TECTA: variants seen among roughly 807,000 people sequenced by gnomAD.
TECTA encodes the protein tectorin alpha.
Under a neutral mutation model 216.8 loss-of-function variants are expected in TECTA, and 128 were observed. The ratio of observed to expected loss-of-function variants is 0.59; its 90% CI spans 0.51 to 0.68. The LOEUF (loss-of-function observed/expected upper bound fraction) is 0.68. Among genes scored for constraint, TECTA ranks in the 30% least tolerant of loss-of-function variants. The pLI, the probability that TECTA is intolerant of heterozygous loss-of-function variation, is 0.00. For synonymous variants in TECTA, 1,089 were observed against 1,117.1 expected (o/e 0.97, Z 0.50); for missense variants, 2,551 against 2,786.2 (o/e 0.92, Z 1.90).
chr11:121,167,017 G>A (rs571789659), intron 18 of TECTA, among the ~76,000 whole-genome samples: 5 of 152,204 alleles, frequency 3.3e-5, no homozygotes, highest in Non-Finnish European at 7.3e-5. Flanking sequence ...TGCCTACTGT[G>A]GTTCTTTCTC....
intron 13 of TECTA, among the ~76,000 whole-genome samples, chr11:121,155,536 C>G (rs1160129538): frequency 6.6e-6 from 1 of 152,170 alleles, no homozygotes; most frequent in Non-Finnish European, 1.5e-5. Context: ...AAGTGCACTG[C>G]AATCAGGAAA....
intron 20 of TECTA, among the ~76,000 whole-genome samples, chr11:121,178,645 A>C (rs1947195196): frequency 6.6e-6 from 1 of 150,976 alleles, no homozygotes; most frequent in African/African-American, 2.4e-5. Flanking sequence ...CTTCATCTTC[A>C]GTTTTTTTTG....
rs1946687080 is a variant in TECTA at position 121,132,695 on chromosome 11, C to T, written c.2941+2484C>T. Among the ~76,000 whole-genome samples the T allele has an allele frequency of 2.6e-5, 4 of 152,210 alleles. No individual in the cohort carries two copies. The South Asian group carries it at 8.3e-4, about 32-fold the overall frequency. On this transcript the variant is annotated intron_variant, in intron 10 of 23. Coordinates refer to ENST00000392793, the MANE Select transcript of TECTA (RefSeq NM_005422.4). The stretch of plus-strand genomic sequence containing the variant: ...TCATACTGAACCTACAGTTTCAGTC[C>T]AATACCGCAGAGTTTTCTAGTTTTC...
intron 20 of TECTA, among the ~76,000 whole-genome samples, chr11:121,170,920 G>A (rs2134199802): frequency 6.6e-6 from 1 of 152,076 alleles, no homozygotes; most frequent in East Asian, 1.9e-4. Flanking sequence ...GCTGTGTAGA[G>A]ACTTTTTAGT....
chr11:121,123,801 T>G (rs372985365), intron 7 of TECTA, among the ~76,000 whole-genome samples: 1 of 152,232 alleles, frequency 6.6e-6, no homozygotes, highest in African/African-American at 2.4e-5. Flanking sequence ...GTCTTTACAA[T>G]GGCTGACGGG....
intron 10 of TECTA, among the ~76,000 whole-genome samples, chr11:121,136,399 GTGATGACCTCCTTTGCAGAGAA>G (rs968771565): frequency 6.6e-6 from 1 of 152,250 alleles, no homozygotes; most frequent in African/African-American, 2.4e-5. Context: ...GGGCTGCGGG[GTGATGACCTCCTTTGCAGAGAA>G]TGATGAGGAG....
rs759055951 is a variant in TECTA at position 121,188,011 on chromosome 11, A to G, written c.6162+17A>G. 4 of 1,613,956 alleles carry G rather than the reference A, an allele frequency of 2.5e-6. No individual in the cohort carries two copies. The Admixed American group carries it at 6.7e-5, about 27-fold the overall frequency. On this transcript the variant is annotated intron_variant, in intron 21 of 23. Transcript: ENST00000392793. ...TGTAAAATCGTAAGTGAGAGTGTGA[A>G]AACAAAGTGCTTAGCCTTATTTCTC... is the stretch of plus-strand genomic sequence containing the variant.
At chr11:121,120,737 T>A (rs1946549554) in intron 7 of TECTA, among the ~76,000 whole-genome samples, 1 of 152,158 alleles carries the variant, frequency 6.6e-6, no homozygotes, top group South Asian at 2.1e-4. Context: ...TAAGTAAAAA[T>A]CCATCTAGAA....
chr11:121,130,331 G>T (rs1946661744), intron 10 of TECTA, 120 bp downstream of exon 10: 1 of 1,107,330 alleles, frequency 9.0e-7, no homozygotes, highest in South Asian at 1.5e-5. Context: ...TAATTACTGT[G>T]TATACCTACC....
rs975464095 is a variant in TECTA at position 121,127,164 on chromosome 11, G to T, written c.1775-588G>T. 6.6e-6 allele frequency among the ~76,000 whole-genome samples: 1 copy of T among 152,200 alleles called. No homozygotes were observed. The highest frequency in any genetic ancestry group is 1.5e-5 in the Non-Finnish European group (1 of 68,030). ...TCTTACCTTGTCTCCTGGAGAAACA[G>T]CCACACAAATTCTTTGAATTCTTTG... On this transcript the variant is annotated intron_variant, in intron 8 of 23. Transcript: ENST00000392793. The surrounding 1 kb of genome is among the most constrained non-coding windows in gnomAD (Gnocchi z 5.0).
intron 20 of TECTA, among the ~76,000 whole-genome samples, chr11:121,181,617 G>A (rs994739907): frequency 6.6e-6 from 1 of 152,038 alleles, no homozygotes; most frequent in African/African-American, 2.4e-5. Context: ...TTATAGGAAT[G>A]TGCCACCATG....
intron 11 of TECTA, among the ~76,000 whole-genome samples, chr11:121,143,104 T>C (rs893962884): frequency 6.6e-6 from 1 of 152,224 alleles, no homozygotes; most frequent in Admixed American, 6.5e-5. Flanking sequence ...TCTTCCTACT[T>C]AAATTCTCTT....
intron 13 of TECTA, among the ~76,000 whole-genome samples, chr11:121,156,479 G>A (rs1946942152): frequency 6.6e-6 from 1 of 152,038 alleles, no homozygotes; most frequent in Non-Finnish European, 1.5e-5. Flanking sequence ...GAGTGGCTGG[G>A]ACTATAGACA....
intron 20 of TECTA, among the ~76,000 whole-genome samples, chr11:121,176,728 C>G (rs1197051999): frequency 4.0e-5 from 6 of 151,092 alleles, no homozygotes; most frequent in African/African-American, 1.5e-4. Context: ...GCCTGCCTTG[C>G]TAGATTGGGG....
chr11:121,142,533 A>G (rs1464060352), intron 11 of TECTA, among the ~76,000 whole-genome samples: 1 of 152,136 alleles, frequency 6.6e-6, no homozygotes, highest in Non-Finnish European at 1.5e-5. Context: ...GCTTCATCCA[A>G]TTATATTGCC....
In TECTA at chr11:121,118,711, G is replaced by A. The variant is rs2135067823; in HGVS notation, c.1196G>A (p.Arg399Lys). The change falls in exon 7 of 24, where the codon AGA becomes AAA. Residue 399 changes from arginine (R) to lysine (K), a missense_variant. Around this residue, in one of 3 missense-constraint regions of TECTA, gnomAD observed 2,375 missense variants for 2,563.9 expected, o/e 0.93. Transcript: ENST00000392793. ...CTCATCCCCAAAGGAAGCTATGGAA[G>A]AGTCAAGGTGAGCCCCTTTCTATCC... The part of the protein sequence containing the change: ...KILIPKGSYG[R>K]VKVNDLVTSL... 4 of 1,613,614 alleles carry A rather than the reference G, an allele frequency of 2.5e-6. No homozygotes were observed. Among genetic ancestry groups the A allele is most frequent in the Non-Finnish European group, 3.4e-6 (4 of 1,180,040 alleles).
At position 121,129,892 on chromosome 11, in the gene TECTA, C is replaced by A. The variant is rs148784853; in HGVS notation, c.2622C>A (p.Phe874Leu). The change falls in exon 10 of 24, where the codon TTC (phenylalanine) becomes TTA (leucine). Residue 874 changes from phenylalanine to leucine, a missense_variant. Physicochemically the swap from Phe to Leu is conservative, Grantham distance 22 (BLOSUM62 0). Coordinates refer to ENST00000392793, the MANE Select transcript of TECTA (RefSeq NM_005422.4). The stretch of plus-strand genomic sequence containing the variant: ...AGTGCACGGACAACCTGGCAGTGTT[C>A]CTGGAAAGCTGGACAACTTTCGAGG... ...NGKCTDNLAV[F>L]LESWTTFEEI... is the part of the protein sequence containing the mutation. The A allele has an allele frequency of 2.5e-6, 4 of 1,614,126 alleles. No homozygotes were observed. The East Asian group carries it at 8.9e-5, about 36-fold the overall frequency.
At chr11:121,177,583 C>G (rs889459310) in intron 20 of TECTA, among the ~76,000 whole-genome samples, 2 of 152,214 alleles carry the variant, frequency 1.3e-5, no homozygotes, top group Non-Finnish European at 1.5e-5. Context: ...CAGTCTGCCC[C>G]TACTGGAGGG....
chr11:121,163,452 G>A (rs1947020470), intron 16 of TECTA, among the ~76,000 whole-genome samples: 1 of 131,736 alleles, frequency 7.6e-6, no homozygotes, highest in Non-Finnish European at 1.6e-5. Context: ...ACTGTTGTGG[G>A]GTGGGGGGAG....
Sources: gnomAD v4.1 joint callset for allele counts (sites outside exome capture counted in the v4.1 genomes callset) on GRCh38, gnomAD v4.1.1 for gene constraint, gnomAD v4.1.1 regional missense constraint, Gnocchi (gnomAD v3.1) non-coding constraint, MANE v1.5 for transcripts, NCBI Gene and HGNC (gene_info 2026-07-23, HGNC 2026-07-21) for gene names.